Variants in KIRREL3 observed in about 807,000 individuals in gnomAD.
KIRREL3 encodes the protein kirre like nephrin family adhesion molecule 3.
Under a neutral mutation model 89.7 loss-of-function variants are expected in KIRREL3, and 36 were observed. The observed-to-expected ratio is 0.40, with a 90% CI of 0.31 to 0.53. The LOEUF (loss-of-function observed/expected upper bound fraction) is 0.53, where lower values mean the gene tolerates loss of function less well. Ranked by LOEUF, KIRREL3 falls within the 20% of genes least tolerant of loss-of-function variation. The probability of loss-of-function intolerance (pLI) is 0.49; values close to 1 mark genes in which losing one functional copy is unlikely to be tolerated. For synonymous variants in KIRREL3, 445 were observed against 441.4 expected (o/e 1.01, Z -0.10); for missense variants, 864 against 1,056.6 (o/e 0.82, Z 2.53).
rs1178326572 is a variant in KIRREL3 at position 126,645,363 on chromosome 11, G to A, written c.56-82451C>T. ...TTCTCTCCCAGAGCATTTACCACAC[G>A]GTGCTGCTGGTATGCCAGCCTTTCT... On this transcript the variant is annotated intron_variant, in intron 1 of 16. Transcript: ENST00000525144. The surrounding 1 kb of genome is among the most constrained non-coding windows in gnomAD (Gnocchi z 4.9). 4.6e-5 allele frequency among the ~76,000 whole-genome samples: 7 copies of A among 152,242 alleles called. No individual in the cohort carries two copies. Among genetic ancestry groups the A allele is most frequent in the Middle Eastern group, 6.8e-3 (2 of 294 alleles).
rs1950000735 is a variant in KIRREL3, at chr11:126,990,423, G to C, written c.55+10032C>G. Among the ~76,000 whole-genome samples the C allele has an allele frequency of 1.3e-5, 2 of 151,052 alleles. No homozygotes were observed. The highest frequency in any genetic ancestry group is 4.2e-4 in the South Asian group (2 of 4,814). ...CCTCACCACCCAGAGGCGAGGAGGA[G>C]AGCCCCCCATCCCTCCCGTCCCTTC... is the stretch of plus-strand genomic sequence containing the variant. On this transcript the variant is annotated intron_variant, in intron 1 of 16. Coordinates refer to ENST00000525144, the MANE Select transcript of KIRREL3 (RefSeq NM_032531.4). The surrounding 1 kb of genome is among the most constrained non-coding windows in gnomAD (Gnocchi z 6.3).
intron 1 of KIRREL3, among the ~76,000 whole-genome samples, chr11:126,702,439 A>G (rs762594213): frequency 6.6e-5 from 10 of 152,112 alleles, no homozygotes; most frequent in African/African-American, 1.2e-4. Context: ...CACTGTTCCC[A>G]TTACTCAAAC....
intron 1 of KIRREL3, among the ~76,000 whole-genome samples, chr11:126,637,225 G>A (rs1172458984): frequency 6.6e-6 from 1 of 152,224 alleles, no homozygotes; most frequent in Non-Finnish European, 1.5e-5. Flanking sequence ...CTGGTATGCT[G>A]AGTTTTGATT....
chr11:126,501,809 A>G lies in KIRREL3; in HGVS notation c.433+19506T>C, dbSNP rs1410346683. Among the ~76,000 whole-genome samples, 2 of 151,948 alleles carry G rather than the reference A, an allele frequency of 1.3e-5. No individual in the cohort carries two copies. The highest frequency in any genetic ancestry group is 4.8e-5 in the African/African-American group (2 of 41,358). ...TGTTCCTAGTTCAACCCCCACCCAC[A>G]TTGTGAGCTCCCTGAAGGCAGGTCC... On this transcript the variant is annotated intron_variant, in intron 4 of 16. Transcript: ENST00000525144. This position sits in a 1 kb window ranked among gnomAD's most constrained non-coding sequence, Gnocchi z 5.8.
At chr11:126,585,841 A>G (rs1376864450) in intron 1 of KIRREL3, among the ~76,000 whole-genome samples, 1 of 152,212 alleles carries the variant, frequency 6.6e-6, no homozygotes, top group Non-Finnish European at 1.5e-5. Context: ...GTTAAGTTCC[A>G]TCTGTGTGTC....
At chr11:126,721,974 G>T (rs7946234) in intron 1 of KIRREL3, among the ~76,000 whole-genome samples, 6 of 152,102 alleles carry the variant, frequency 3.9e-5, no homozygotes, top group Admixed American at 6.5e-5. Context: ...AGAAGCGAAG[G>T]GTTCCCATGG....
rs1591778737 is a variant in KIRREL3 at position 126,585,218 on chromosome 11, C to CTGTTT, written c.56-22307_56-22306insAAACA. Among the ~76,000 whole-genome samples the CTGTTT allele has an allele frequency of 3.1e-5, 4 of 130,612 alleles. No homozygotes were observed. The East Asian group carries it at 9.0e-4, about 29-fold the overall frequency. The allele number at this position is 130,612 out of a possible 152,430, so 85.7% of individuals were successfully genotyped here. On this transcript the variant is annotated intron_variant, in intron 1 of 16. Transcript: ENST00000525144. ...ACAGGCGTGAGCCACCGCGCCCGGC[C>CTGTTT]TCTTTTTTTTTTTTTTTTTTTTTTT...
At chr11:126,821,553 G>A (rs1193565237) in intron 1 of KIRREL3, among the ~76,000 whole-genome samples, 1 of 151,844 alleles carries the variant, frequency 6.6e-6, no homozygotes, top group Non-Finnish European at 1.5e-5. Context: ...CCATCTTACA[G>A]GGTGAGGTAG....
In KIRREL3 at chr11:127,000,399, C is replaced by A. The variant is rs550486027; in HGVS notation, c.55+56G>T. 2 of 1,496,736 alleles carry A rather than the reference C, an allele frequency of 1.3e-6. No individual in the cohort carries two copies. Among genetic ancestry groups the A allele is most frequent in the South Asian group, 2.5e-5 (2 of 81,390 alleles). The allele number at this position is 1,496,736 out of a possible 1,614,324, so 92.7% of individuals were successfully genotyped here. A position where few individuals can be genotyped will look rare whatever the true frequency, so the allele number is the denominator to read the frequency against. On this transcript the variant is annotated intron_variant, in intron 1 of 16. Transcript: ENST00000525144. This position sits in a 1 kb window ranked among gnomAD's most constrained non-coding sequence, Gnocchi z 7.1. ...GCCCACGTTCCTGCCCACAGCCTCCCGCGCCCTGACAACCCAGCCGACTTT... is the reference window on the plus strand; with the variant it reads ...GCCCACGTTCCTGCCCACAGCCTCCAGCGCCCTGACAACCCAGCCGACTTT...
intron 1 of KIRREL3, among the ~76,000 whole-genome samples, chr11:126,667,428 T>G (rs1261034296): frequency 6.6e-6 from 1 of 152,250 alleles, no homozygotes; most frequent in Non-Finnish European, 1.5e-5. Flanking sequence ...ATGAGTTTAA[T>G]GGAGTTTTGC....
At chr11:126,881,843 C>T (rs530678332) in intron 1 of KIRREL3, among the ~76,000 whole-genome samples, 9 of 152,262 alleles carry the variant, frequency 5.9e-5, no homozygotes, top group East Asian at 5.8e-4. Flanking sequence ...CCACTGAGCC[C>T]GGCCAATGCA....
At chr11:126,468,812 G>A (rs1233148268) in intron 5 of KIRREL3, among the ~76,000 whole-genome samples, 1 of 152,216 alleles carries the variant, frequency 6.6e-6, no homozygotes, top group Non-Finnish European at 1.5e-5. Context: ...ACAGACATCC[G>A]TGATCATTAT....
At chr11:126,942,723 C>T (rs1464038529) in intron 1 of KIRREL3, among the ~76,000 whole-genome samples, 1 of 152,238 alleles carries the variant, frequency 6.6e-6, no homozygotes, top group East Asian at 1.9e-4. Context: ...CTGGCCTTCT[C>T]CCCTGCACTC....
chr11:126,667,355 C>T (rs1359058745), intron 1 of KIRREL3, among the ~76,000 whole-genome samples: 4 of 152,224 alleles, frequency 2.6e-5, no homozygotes, highest in Non-Finnish European at 5.9e-5. Context: ...CTAGAAATGG[C>T]TGCTGGAGCA....
At chr11:126,436,418 C>G (rs565086045) in intron 12 of KIRREL3, among the ~76,000 whole-genome samples, 2 of 152,390 alleles carry the variant, frequency 1.3e-5, no homozygotes, top group South Asian at 2.1e-4. Context: ...ACGCTCCACC[C>G]AGGCATGACA....
intron 1 of KIRREL3, among the ~76,000 whole-genome samples, chr11:126,923,129 C>CTTCTTCTTCTTCT (rs1555090094): frequency 3.1e-4 from 8 of 25,732 alleles, no homozygotes; most frequent in African/African-American, 7.8e-4. Flanking sequence ...TCTCCTTCTT[C>CTTCTTCTTCTTCT]TCTTCTTCTT....
rs1361323728 is a variant in KIRREL3 at position 126,978,081 on chromosome 11, C to G, written c.55+22374G>C. Among the ~76,000 whole-genome samples the G allele has an allele frequency of 2.6e-5, 4 of 152,176 alleles. No individual in the cohort carries two copies. Among genetic ancestry groups the G allele is most frequent in the African/African-American group, 9.7e-5 (4 of 41,448 alleles). ...GCAGCCCACCAAAAGTGCCTCCTTCCAAGCCTGTGGCCACAAGCCCCAGGG... is the reference window on the plus strand; with the variant it reads ...GCAGCCCACCAAAAGTGCCTCCTTCGAAGCCTGTGGCCACAAGCCCCAGGG... On this transcript the variant is annotated intron_variant, in intron 1 of 16. Coordinates refer to ENST00000525144, the MANE Select transcript of KIRREL3 (RefSeq NM_032531.4). This position sits in a 1 kb window ranked among gnomAD's most constrained non-coding sequence, Gnocchi z 4.2.
rs1591652098 is a variant in KIRREL3 at position 126,509,479 on chromosome 11, G to C, written c.433+11836C>G. Among the ~76,000 whole-genome samples, 4 of 152,340 alleles carry C rather than the reference G, an allele frequency of 2.6e-5. No homozygotes were observed. The South Asian group carries it at 6.2e-4, about 24-fold the overall frequency. ...TTTTAGCTGGTATGTAGGTCATGAG[G>C]TTGACATTAGGAAGAACATATCAGG... is the stretch of plus-strand genomic sequence containing the variant. On this transcript the variant is annotated intron_variant, in intron 4 of 16. Transcript: ENST00000525144.
Position 126,474,149 on chromosome 11 carries a change from A to AT in KIRREL3, c.434-684dup, listed in dbSNP as rs201968377. On this transcript the variant is annotated intron_variant, in intron 4 of 16. Transcript: ENST00000525144. This position sits in a 1 kb window ranked among gnomAD's most constrained non-coding sequence, Gnocchi z 6.7. ...TTTTTAGTAGAGATGGGGTTTCACCATGTTGGCCAGGCTGGTCTCGAACTC... is the reference window on the plus strand; with the variant it reads ...TTTTTAGTAGAGATGGGGTTTCACCATTGTTGGCCAGGCTGGTCTCGAACTC... Among the ~76,000 whole-genome samples, 1,380 of 152,122 alleles carry AT rather than the reference A, an allele frequency of 9.1e-3. 21 individuals carry two copies. The highest frequency in any genetic ancestry group is 0.029 in the African/African-American group (1,188 of 41,498).
Sources: gnomAD v4.1 joint callset for allele counts (sites outside exome capture counted in the v4.1 genomes callset) on GRCh38, gnomAD v4.1.1 for gene constraint, Gnocchi (gnomAD v3.1) non-coding constraint, MANE v1.5 for transcripts, NCBI Gene and HGNC (gene_info 2026-07-23, HGNC 2026-07-21) for gene names.